PTPDC1: variants seen among roughly 807,000 people sequenced by gnomAD.
PTPDC1 encodes the protein protein tyrosine phosphatase domain containing 1.
Under a neutral mutation model 75.3 loss-of-function variants are expected in PTPDC1, and 53 were observed. The observed-to-expected ratio is 0.70, with a 90% CI of 0.56 to 0.88. PTPDC1 has a LOEUF of 0.88. Ranked by LOEUF, PTPDC1 falls within the 40% of genes least tolerant of loss-of-function variation. The probability of loss-of-function intolerance (pLI) is 0.00; values close to 1 mark genes in which losing one functional copy is unlikely to be tolerated. For synonymous variants in PTPDC1, 349 were observed against 366.2 expected (o/e 0.95, Z 0.54); for missense variants, 925 against 998.6 (o/e 0.93, Z 0.99).
intron 1 of PTPDC1, among the ~76,000 whole-genome samples, chr9:94,045,809 A>G (rs1316654811): frequency 2.6e-5 from 4 of 151,388 alleles, no homozygotes; most frequent in African/African-American, 9.6e-5. Context: ...GTTCACTCTG[A>G]TGGTAGTTTC....
intron 1 of PTPDC1, among the ~76,000 whole-genome samples, chr9:94,060,900 A>G (rs1270821961): frequency 2.6e-5 from 4 of 152,078 alleles, no homozygotes; most frequent in Admixed American, 6.5e-5. Context: ...AAACCATACA[A>G]TTCCACTTCT....
chr9:94,031,406 A>G (rs761913102), intron 1 of PTPDC1, among the ~76,000 whole-genome samples: 56 of 152,158 alleles, frequency 3.7e-4, no homozygotes, highest in Non-Finnish European at 6.8e-4. Context: ...GAAGTTGAAT[A>G]TCGGGATTTT....
At chr9:94,036,718 T>G (rs2118387238) in intron 1 of PTPDC1, among the ~76,000 whole-genome samples, 2 of 152,324 alleles carry the variant, frequency 1.3e-5, no homozygotes, top group South Asian at 4.1e-4. Context: ...TAGACTTCCC[T>G]GGCTGGATGC....
At chr9:94,049,757 G>A (rs1392537391) in intron 1 of PTPDC1, among the ~76,000 whole-genome samples, 8 of 152,096 alleles carry the variant, frequency 5.3e-5, no homozygotes, top group African/African-American at 2.4e-5. Flanking sequence ...TTGAATGTTG[G>A]CCTGCCTTGC....
At chr9:94,063,278 TC>T (rs1004291498) in intron 1 of PTPDC1, among the ~76,000 whole-genome samples, 2 of 152,230 alleles carry the variant, frequency 1.3e-5, no homozygotes, top group African/African-American at 4.8e-5. Context: ...GTTTTTCTCA[TC>T]AAAATGTTTT....
At chr9:94,055,352 T>C (rs1162097641) in intron 1 of PTPDC1, among the ~76,000 whole-genome samples, 1 of 152,210 alleles carries the variant, frequency 6.6e-6, no homozygotes, top group Non-Finnish European at 1.5e-5. Flanking sequence ...TGGTATTTAC[T>C]CAGATGAGCA....
intron 5 of PTPDC1, among the ~76,000 whole-genome samples, chr9:94,097,029 T>G (rs778363441): frequency 2.6e-4 from 40 of 152,154 alleles, no homozygotes; most frequent in Non-Finnish European, 4.1e-4. Context: ...TCCTGCACAC[T>G]TACTCACCTA....
intron 3 of PTPDC1, 76 bp downstream of exon 3, chr9:94,087,987 AAG>A (rs1478832645): frequency 1.3e-6 from 2 of 1,490,512 alleles, no homozygotes; most frequent in Non-Finnish European, 9.3e-7. Flanking sequence ...TTTCAAGTGA[AAG>A]AGTGCTTTCA....
intron 4 of PTPDC1, among the ~76,000 whole-genome samples, chr9:94,091,273 T>A (rs931819762): frequency 2.0e-5 from 3 of 152,210 alleles, no homozygotes; most frequent in Non-Finnish European, 2.9e-5. Context: ...CCTAATTTAT[T>A]GAGAGTTTTT....
intron 4 of PTPDC1, among the ~76,000 whole-genome samples, chr9:94,094,049 G>A (rs958245122): frequency 2.6e-5 from 4 of 152,176 alleles, no homozygotes; most frequent in Non-Finnish European, 5.9e-5. Flanking sequence ...GTAGCTCAGA[G>A]TAATTTGATC....
rs114006836 is a variant in PTPDC1, at chr9:94,063,222, C to T, written c.-6-1512C>T. On this transcript the variant is annotated intron_variant, in intron 1 of 9. Coordinates refer to the PTPDC1 transcript ENST00000375360. Reference sequence around the variant, plus strand: ...TTATATACAAAATAGCCAGGGCTAGCGTCCCAGCTGCTCCAAAATTCCATG... The same window carrying T: ...TTATATACAAAATAGCCAGGGCTAGTGTCCCAGCTGCTCCAAAATTCCATG... Among the ~76,000 whole-genome samples the T allele has an allele frequency of 2.4e-3, 361 of 152,316 alleles. 2 individuals are homozygous for T. Among genetic ancestry groups the T allele is most frequent in the African/African-American group, 8.2e-3 (339 of 41,574 alleles).
chr9:94,072,737 T>G (rs559654174), intron 2 of PTPDC1, among the ~76,000 whole-genome samples: 2 of 152,208 alleles, frequency 1.3e-5, no homozygotes, highest in Non-Finnish European at 2.9e-5. Context: ...GAGTCAGTGT[T>G]GAATTTTTTT....
At chr9:94,069,290 C>T (rs1826429053) in intron 2 of PTPDC1, among the ~76,000 whole-genome samples, 1 of 152,158 alleles carries the variant, frequency 6.6e-6, no homozygotes, top group African/African-American at 2.4e-5. Context: ...CCCTCCCACC[C>T]CCGGTATACC....
intron 1 of PTPDC1, among the ~76,000 whole-genome samples, chr9:94,031,677 C>T (rs1829730135): frequency 6.6e-6 from 1 of 152,026 alleles, no homozygotes; most frequent in Non-Finnish European, 1.5e-5. Flanking sequence ...TCCTTTGTGG[C>T]CTTCCAAAGA....
At chr9:94,097,021 C>T (rs1827597029) in intron 5 of PTPDC1, among the ~76,000 whole-genome samples, 1 of 152,146 alleles carries the variant, frequency 6.6e-6, no homozygotes, top group Admixed American at 6.5e-5. Context: ...CCCTTCCCTC[C>T]TGCACACTTA....
chr9:94,059,549 G>A (rs1826063741), intron 1 of PTPDC1, among the ~76,000 whole-genome samples: 1 of 152,166 alleles, frequency 6.6e-6, no homozygotes, highest in Non-Finnish European at 1.5e-5. Flanking sequence ...ATAGGGGAAG[G>A]TTGGCATGAT....
At chr9:94,094,944 G>A (rs545574996) in intron 4 of PTPDC1, among the ~76,000 whole-genome samples, 8 of 152,314 alleles carry the variant, frequency 5.3e-5, no homozygotes, top group African/African-American at 1.2e-4. Context: ...GCTGAGGCAC[G>A]GTGCGTGCGC....
chr9:94,107,747 TCCACCC>T, intron 8 of PTPDC1, 75 bp from the exon 9 acceptor site: 2 of 655,138 alleles, frequency 3.1e-6, no homozygotes, highest in African/African-American at 1.9e-5. Flanking sequence ...GTTTTTTTTC[TCCACCC>T]CCTCCTTCTC....
chr9:94,067,155 T>C (rs772711835), intron 2 of PTPDC1, among the ~76,000 whole-genome samples: 35 of 152,190 alleles, frequency 2.3e-4, no homozygotes, highest in Non-Finnish European at 3.7e-4. Context: ...TTTGGGACAC[T>C]GAGGTGGGTG....
Sources: gnomAD v4.1 joint callset for allele counts (sites outside exome capture counted in the v4.1 genomes callset) on GRCh38, gnomAD v4.1.1 for gene constraint, MANE v1.5 for transcripts, NCBI Gene and HGNC (gene_info 2026-07-23, HGNC 2026-07-21) for gene names.